The following LILRA2 variants were observed in gnomAD, a reference collection of about 807,000 sequenced individuals.
LILRA2 encodes the protein leukocyte immunoglobulin like receptor A2.
LILRA2 carries 45 observed loss-of-function variants against 47.9 expected under a neutral mutation model. That is an observed-to-expected ratio of 0.94 (90% CI 0.74 to 1.20). LILRA2 has a LOEUF of 1.20. LILRA2 is among the 50% of genes most tolerant of loss of function. The pLI, the probability that LILRA2 is intolerant of heterozygous loss-of-function variation, is 0.00. For missense variants in LILRA2, 651 were observed against 598.2 expected, an observed-to-expected ratio of 1.09 and a Z score of -0.92; for synonymous variants, 279 against 249.2, an observed-to-expected ratio of 1.12 and a Z score of -1.13.
chr19:54,575,608 G>T, intron 5 of LILRA2, 56 bp downstream of exon 5: 1 of 1,595,444 alleles, frequency 6.3e-7, no homozygotes. Flanking sequence ...GCCCTGCCAG[G>T]GGAGCCCAGG....
Position 54,587,036 on chromosome 19 carries a change from C to A in LILRA2, c.1282C>A (p.Gln428Lys), listed in dbSNP as rs747393229. 1 of 1,613,408 alleles carries A rather than the reference C, an allele frequency of 6.2e-7. No individual in the cohort carries two copies. The highest frequency in any genetic ancestry group is 8.5e-7 in the Non-Finnish European group (1 of 1,179,666). ...SEAAETLSPS[Q>K]NKTDSTTTSL... The stretch of plus-strand genomic sequence containing the variant: ...AGCAGCTGAGACCCTCAGCCCATCA[C>A]AAAACAAGACAGACTCCACGACTAG... Residue 428 changes from glutamine to lysine, a missense_variant, in exon 7 of 8, where the codon CAA (glutamine) becomes AAA (lysine). Gln to Lys is a moderately conservative substitution (Grantham distance 53). Coordinates refer to ENST00000391738, the MANE Select transcript of LILRA2 (RefSeq NM_001130917.3).
chr19:54,587,227 T>C lies in LILRA2; in HGVS notation c.1333T>C (p.Tyr445His), dbSNP rs375101733. The change falls in exon 8 of 8, where the codon TAC becomes CAC. Residue 445 changes from tyrosine (Y) to histidine (H), a missense_variant. Coordinates refer to ENST00000391738, the MANE Select transcript of LILRA2 (RefSeq NM_001130917.3). ...ATCCCTAGGCCAACACCCCCAGGAT[T>C]ACACAGTGGAGAATCTCATCCGCAT... ...TTSLGQHPQDYTVENLIRMGV... is the reference protein window; with the variant it reads ...TTSLGQHPQDHTVENLIRMGV... 7.6e-5 allele frequency: 122 copies of C among 1,613,982 alleles called. No individual in the cohort carries two copies. Among genetic ancestry groups the C allele is most frequent in the Admixed American group, 1.2e-4 (7 of 59,984 alleles).
rs939013671 is a variant in LILRA2 at position 54,576,949 on chromosome 19, C to T, written c.1255+840C>T. Among the ~76,000 whole-genome samples the T allele has an allele frequency of 4.6e-5, 7 of 152,402 alleles. No individual in the cohort carries two copies. In the East Asian group the frequency reaches 1.4e-3, roughly 29 times the overall value. On this transcript the variant is annotated intron_variant, in intron 6 of 7. Transcript: ENST00000391738. ...GGATGTGACTGCCCCAAAGCCCCTT[C>T]ATTTCTGACCTTCTGGGGCATCTGG... is the stretch of plus-strand genomic sequence containing the variant.
chr19:54,574,773 T>G lies in LILRA2; in HGVS notation c.395T>G (p.Val132Gly). The change falls in exon 4 of 8, where the codon GTG (valine) becomes GGG (glycine). Residue 132 changes from valine to glycine, a missense_variant. Val to Gly is a moderately radical substitution (Grantham distance 109). Transcript: ENST00000391738. ...ACCCTCTCAGCTCTGCCCAGCCCTGTGGTGACCTCAGGAGGGAACGTGACC... is the reference window on the plus strand; with the variant it reads ...ACCCTCTCAGCTCTGCCCAGCCCTGGGGTGACCTCAGGAGGGAACGTGACC... ...KPTLSALPSP[V>G]VTSGGNVTLQ... The G allele has an allele frequency of 1.2e-6, 2 of 1,614,278 alleles. No homozygotes were observed. Among genetic ancestry groups the G allele is most frequent in the South Asian group, 1.1e-5 (1 of 91,090 alleles).
chr19:54,582,234 A>C lies in LILRA2; in HGVS notation c.1256-4776A>C, dbSNP rs59866121. Reference sequence around the variant, plus strand: ...TCATCAGGGATATTGACCTAAAATTATCCTTTTTTGTTGTGTGTCTACGAG... The same window carrying C: ...TCATCAGGGATATTGACCTAAAATTCTCCTTTTTTGTTGTGTGTCTACGAG... On this transcript the variant is annotated intron_variant, in intron 6 of 7. Transcript: ENST00000391738. Among the ~76,000 whole-genome samples the C allele has an allele frequency of 9.3e-3, 1,421 of 152,154 alleles. 23 individuals carry two copies. Among genetic ancestry groups the C allele is most frequent in the African/African-American group, 0.033 (1,351 of 41,524 alleles).
At position 54,578,236 on chromosome 19, in the gene LILRA2, C is replaced by G. The variant is rs550996758; in HGVS notation, c.1255+2127C>G. On this transcript the variant is annotated intron_variant, in intron 6 of 7. Coordinates refer to ENST00000391738, the MANE Select transcript of LILRA2 (RefSeq NM_001130917.3). Reference sequence around the variant, plus strand: ...TGTTGGTTTGCTGCACCCATCAACTCGTCATTCACATTAGTATTTCTCCTA... The same window carrying G: ...TGTTGGTTTGCTGCACCCATCAACTGGTCATTCACATTAGTATTTCTCCTA... Among the ~76,000 whole-genome samples the G allele has an allele frequency of 2.0e-5, 3 of 152,198 alleles. No homozygotes were observed. The South Asian group carries it at 6.2e-4, about 32-fold the overall frequency.
In LILRA2 at chr19:54,588,862, C is replaced by G. The variant is rs1301791709; in HGVS notation, c.*1516C>G. On this transcript the variant is annotated 3_prime_UTR_variant, in exon 8 of 8. Transcript: ENST00000391738. ...GTATTTTTAGTAGAGACGGGGGTCT[C>G]GCCATGTTAGTGAGGCTGGTCTTGA... 1 of 151,930 alleles carries G rather than the reference C, an allele frequency of 6.6e-6. No individual in the cohort carries two copies. Among genetic ancestry groups the G allele is most frequent in the Admixed American group, 6.6e-5 (1 of 15,254 alleles). 9.4% of individuals were successfully genotyped at this position (151,930 alleles called of 1,614,324 possible). A position where few individuals can be genotyped will look rare whatever the true frequency, so the allele number is the denominator to read the frequency against.
chr19:54,581,539 T>C (rs1292872908), intron 6 of LILRA2, among the ~76,000 whole-genome samples: 2 of 146,696 alleles, frequency 1.4e-5, no homozygotes, highest in African/African-American at 5.2e-5. Flanking sequence ...TTCTGAGGGC[T>C]CTGTTCTGTT....
In LILRA2 at chr19:54,589,221, A is replaced by G. The variant is rs201163994; in HGVS notation, c.*1875A>G. The stretch of plus-strand genomic sequence containing the variant: ...ACTTAAATGCATTTGCAAAGACTCT[A>G]TTTCCAACTATGTTCACATTTATAG... On this transcript the variant is annotated 3_prime_UTR_variant, in exon 8 of 8. Transcript: ENST00000391738. 1 of 149,576 alleles carries G rather than the reference A, an allele frequency of 6.7e-6. No individual in the cohort carries two copies. The highest frequency in any genetic ancestry group is 1.5e-5 in the Non-Finnish European group (1 of 67,006). 9.3% of individuals were successfully genotyped at this position (149,576 alleles called of 1,614,324 possible). A position where few individuals can be genotyped will look rare whatever the true frequency, so the allele number is the denominator to read the frequency against.
At chr19:54,573,737 G>T, upstream of LILRA2, 1 of 871,604 alleles carries the variant, frequency 1.1e-6, no homozygotes. Flanking sequence ...GAGGGCAGTT[G>T]CACTTCCTGT....
At chr19:54,577,463 A>G (rs756135927) in intron 6 of LILRA2, 3 of 1,278,346 alleles carry the variant, frequency 2.3e-6, no homozygotes, top group South Asian at 1.2e-5. Flanking sequence ...CTCATTTCCA[A>G]GAGCCCCTGA....
At chr19:54,576,816 TG>T (rs1258741605) in intron 6 of LILRA2, among the ~76,000 whole-genome samples, 2 of 152,214 alleles carry the variant, frequency 1.3e-5, no homozygotes, top group Non-Finnish European at 2.9e-5. Flanking sequence ...CCCGGGGAGG[TG>T]GGGCTGGGTC....
At position 54,574,464 on chromosome 19, in the gene LILRA2, G is replaced by A; in HGVS notation, c.234G>A (p.Lys78=). The A allele has an allele frequency of 1.2e-6, 2 of 1,614,140 alleles. No homozygotes were observed. The highest frequency in any genetic ancestry group is 1.7e-6 in the Non-Finnish European group (2 of 1,180,004). The change falls in exon 3 of 8, where the codon AAG becomes AAA. Residue 78 remains lysine, a synonymous_variant. Coordinates refer to ENST00000391738, the MANE Select transcript of LILRA2 (RefSeq NM_001130917.3). ...SWVRRIQEPG[K]NGQFPIPSIT... is the part of the protein sequence containing the mutation. The stretch of plus-strand genomic sequence containing the variant: ...TTAGACGGATACAAGAGCCTGGGAA[G>A]AATGGCCAGTTCCCCATCCCATCCA...
At chr19:54,577,678 C>T in intron 6 of LILRA2, 1 of 1,287,132 alleles carries the variant, frequency 7.8e-7, no homozygotes, top group Non-Finnish European at 1.0e-6. Context: ...TCAGGGCATC[C>T]CTGAGAATAA....
rs545058593 is a variant in LILRA2 at position 54,575,245 on chromosome 19, C to A, written c.656-11C>A. On this transcript the variant is annotated splice_polypyrimidine_tract_variant and intron_variant, in intron 4 of 7. Coordinates refer to ENST00000391738, the MANE Select transcript of LILRA2 (RefSeq NM_001130917.3). Reference sequence around the variant, plus strand: ...GGTCGGCTCCTGGAAACCATGAACACCTTTTCCCAGGTGTTTCTAAGAAGC... The same window carrying A: ...GGTCGGCTCCTGGAAACCATGAACAACTTTTCCCAGGTGTTTCTAAGAAGC... The A allele has an allele frequency of 5.9e-5, 95 of 1,598,848 alleles. No homozygotes were observed. In the South Asian group the frequency reaches 1.0e-3, roughly 17 times the overall value.
intron 6 of LILRA2, among the ~76,000 whole-genome samples, chr19:54,578,119 T>TTA (rs143047057): frequency 3.3e-5 from 5 of 150,594 alleles, no homozygotes; most frequent in South Asian, 2.1e-4. Context: ...TTTGATTTCT[T>TTA]TATATATATA....
Position 54,575,467 on chromosome 19 carries a change from C to T in LILRA2, c.867C>T (p.His289=), listed in dbSNP as rs756841843. Residue 289 remains histidine, a synonymous_variant, in exon 5 of 8, where the codon CAC becomes CAT. Transcript: ENST00000391738. ...CCCTGGGCCCTGTGAGCCCCTCCCA[C>T]GGGGGCCAGTACAGATGCTACAGTG... is the stretch of plus-strand genomic sequence containing the variant. ...NFTLGPVSPS[H]GGQYRCYSAH... 59 of 1,613,586 alleles carry T rather than the reference C, an allele frequency of 3.7e-5. No individual in the cohort carries two copies. In the Admixed American group the frequency reaches 5.5e-4, roughly 15 times the overall value.
rs375203252 is a variant in LILRA2 at position 54,585,733 on chromosome 19, G to T, written c.1256-1277G>T. On this transcript the variant is annotated intron_variant, in intron 6 of 7. Transcript: ENST00000391738. The stretch of plus-strand genomic sequence containing the variant: ...CTTGGCTAGGAAAGGGAAATCCTCC[G>T]ACCCCTTGTGCTTCCCAGGTGAGGC... 2.0e-4 allele frequency among the ~76,000 whole-genome samples: 31 copies of T among 152,226 alleles called. No homozygotes were observed. In the East Asian group the frequency reaches 4.1e-3, roughly 20 times the overall value.
chr19:54,581,540 C>G (rs1458170632), intron 6 of LILRA2, among the ~76,000 whole-genome samples: 1 of 146,510 alleles, frequency 6.8e-6, no homozygotes, highest in Non-Finnish European at 1.5e-5. Flanking sequence ...TCTGAGGGCT[C>G]TGTTCTGTTC....
Sources: allele counts gnomAD v4.1 joint callset (sites outside exome capture counted in the v4.1 genomes callset), GRCh38; gene constraint gnomAD v4.1.1; transcripts MANE v1.5; gene names NCBI Gene and HGNC (gene_info 2026-07-23, HGNC 2026-07-21).